Variants in XKR4 observed in about 807,000 individuals in gnomAD.
XKR4 encodes the protein XK related 4, also known as XK-related protein 4.
In XKR4, 12 loss-of-function variants were observed where a neutral mutation model predicts 53.9. The observed-to-expected ratio is 0.22, with a 90% CI of 0.14 to 0.36. XKR4 has a LOEUF of 0.36. XKR4 is among the 10% of genes least tolerant of loss of function. The pLI is 1.00. For synonymous variants in XKR4, 354 were observed against 362.4 expected, an observed-to-expected ratio of 0.98 and a Z score of 0.26; for missense variants, 799 against 859.5, an observed-to-expected ratio of 0.93 and a Z score of 0.88.
chr8:55,381,187 T>C (rs1423533064), intron 2 of XKR4, among the ~76,000 whole-genome samples: 1 of 152,224 alleles, frequency 6.6e-6, no homozygotes, highest in African/African-American at 2.4e-5. Context: ...AAATTAAAAT[T>C]AAATATGATG....
chr8:55,396,752 C>T (rs945709822), intron 2 of XKR4, among the ~76,000 whole-genome samples: 1 of 152,112 alleles, frequency 6.6e-6, no homozygotes, highest in African/African-American at 2.4e-5. Context: ...GGCATTCCAG[C>T]CTTGTTTGTT....
chr8:55,332,521 A>C (rs538401956), intron 1 of XKR4, among the ~76,000 whole-genome samples: 1 of 152,004 alleles, frequency 6.6e-6, no homozygotes, highest in Non-Finnish European at 1.5e-5. Context: ...TTGTTTACCT[A>C]GTAGTGTCTT....
chr8:55,520,180 T>A (rs915367082), intron 2 of XKR4, among the ~76,000 whole-genome samples: 3 of 152,230 alleles, frequency 2.0e-5, no homozygotes, highest in African/African-American at 7.2e-5. Context: ...CTGTGGCAGT[T>A]GTGAATTTGT....
chr8:55,343,029 T>C (rs945754251), intron 1 of XKR4, among the ~76,000 whole-genome samples: 1 of 152,210 alleles, frequency 6.6e-6, no homozygotes, highest in Non-Finnish European at 1.5e-5. Context: ...CACTGAACTT[T>C]TGTCTGTAGG....
chr8:55,375,216 A>C (rs1207577237), intron 2 of XKR4, among the ~76,000 whole-genome samples: 2 of 152,246 alleles, frequency 1.3e-5, no homozygotes, highest in Non-Finnish European at 2.9e-5. Flanking sequence ...TCTAAATTGC[A>C]GTGTTGTGTT....
At chr8:55,172,075 G>A (rs948960305) in intron 1 of XKR4, among the ~76,000 whole-genome samples, 8 of 152,034 alleles carry the variant, frequency 5.3e-5, no homozygotes, top group Non-Finnish European at 7.4e-5. Flanking sequence ...TTAGCTGGGC[G>A]TGGTGCCGCA....
intron 2 of XKR4, among the ~76,000 whole-genome samples, chr8:55,436,655 G>A (rs1484372802): frequency 1.3e-5 from 2 of 152,202 alleles, no homozygotes; most frequent in African/African-American, 4.8e-5. Flanking sequence ...TGAAGTAAAT[G>A]TCATCAGAAA....
intron 1 of XKR4, among the ~76,000 whole-genome samples, chr8:55,239,755 C>T (rs1818182039): frequency 6.6e-6 from 1 of 152,164 alleles, no homozygotes; most frequent in South Asian, 2.1e-4. Flanking sequence ...CATCTCTTGA[C>T]ATCCCTTCTT....
At chr8:55,266,822 T>C (rs1435725687) in intron 1 of XKR4, among the ~76,000 whole-genome samples, 1 of 152,136 alleles carries the variant, frequency 6.6e-6, no homozygotes, top group African/African-American at 2.4e-5. Context: ...TGAGTTTGTC[T>C]AATAGAAAGC....
rs146592454 is a variant in XKR4, at chr8:55,402,991, A to C, written c.1006+45114A>C. On this transcript the variant is annotated intron_variant, in intron 2 of 2. Coordinates refer to ENST00000327381, the MANE Select transcript of XKR4 (RefSeq NM_052898.2). ...ATCAGAATCAGAAAGGGCCAGGAGC[A>C]GGCTGGGGTTTGGTTCCCATCCTAC... 6.6e-3 allele frequency among the ~76,000 whole-genome samples: 1,000 copies of C among 152,288 alleles called. 9 individuals are homozygous for C. The highest frequency in any genetic ancestry group is 0.023 in the African/African-American group (938 of 41,546).
At chr8:55,123,402 G>C (rs963761435) in intron 1 of XKR4, among the ~76,000 whole-genome samples, 5 of 152,152 alleles carry the variant, frequency 3.3e-5, no homozygotes, top group Non-Finnish European at 5.9e-5. Context: ...GCATGCCCCT[G>C]GCCTCCTTGT....
intron 2 of XKR4, among the ~76,000 whole-genome samples, chr8:55,409,222 C>A (rs924262494): frequency 2.0e-5 from 3 of 152,168 alleles, no homozygotes; most frequent in Non-Finnish European, 4.4e-5. Context: ...ACAGGCCTGG[C>A]AGGCAGCAAG....
At chr8:55,481,811 G>T (rs1378544366) in intron 2 of XKR4, among the ~76,000 whole-genome samples, 1 of 152,172 alleles carries the variant, frequency 6.6e-6, no homozygotes, top group African/African-American at 2.4e-5. Flanking sequence ...ATCATCACTG[G>T]CCATCAGAGA....
At chr8:55,273,931 T>A (rs906678050) in intron 1 of XKR4, among the ~76,000 whole-genome samples, 1 of 152,318 alleles carries the variant, frequency 6.6e-6, no homozygotes, top group Middle Eastern at 3.4e-3. Context: ...TACACTACCA[T>A]CTAGTGGGGC....
intron 1 of XKR4, among the ~76,000 whole-genome samples, chr8:55,300,552 G>A (rs995436594): frequency 1.3e-5 from 2 of 152,132 alleles, no homozygotes; most frequent in Non-Finnish European, 2.9e-5. Flanking sequence ...GCATCTGGAT[G>A]GAGATGGGTC....
intron 2 of XKR4, among the ~76,000 whole-genome samples, chr8:55,443,809 C>G (rs1272043920): frequency 8.4e-5 from 11 of 130,864 alleles, no homozygotes; most frequent in African/African-American, 3.1e-4. Context: ...CCACTGCACT[C>G]TAGCCTGGTG....
At chr8:55,164,144 G>A (rs1483040885) in intron 1 of XKR4, 1 of 455,332 alleles carries the variant, frequency 2.2e-6, no homozygotes, top group African/African-American at 2.0e-5. Context: ...AGCCCTACAG[G>A]AGTTTGCTCC....
At position 55,525,200 on chromosome 8, in the gene XKR4, A is replaced by C. The variant is rs1048509144; in HGVS notation, c.*973A>C. 2 of 152,600 alleles carry C rather than the reference A, an allele frequency of 1.3e-5. No individual in the cohort carries two copies. Among genetic ancestry groups the C allele is most frequent in the East Asian group, 3.9e-4 (2 of 5,186 alleles). 9.5% of individuals were successfully genotyped at this position (152,600 alleles called of 1,614,324 possible). A position where few individuals can be genotyped will look rare whatever the true frequency, so the allele number is the denominator to read the frequency against. ...GACGCAGAATGAGTGGCTCTGTGTG[A>C]CCATAGGCAGATGCTGACTCTGGAA... On this transcript the variant is annotated 3_prime_UTR_variant, in exon 3 of 3. Coordinates refer to ENST00000327381, the MANE Select transcript of XKR4 (RefSeq NM_052898.2).
At position 55,531,810 on chromosome 8, in the gene XKR4, A is replaced by T. The variant is rs1203644468; in HGVS notation, c.*7583A>T. 2.6e-5 allele frequency: 4 copies of T among 152,250 alleles called. No individual in the cohort carries two copies. Among genetic ancestry groups the T allele is most frequent in the African/African-American group, 9.6e-5 (4 of 41,466 alleles). 9.4% of individuals were successfully genotyped at this position (152,250 alleles called of 1,614,324 possible). ...TTCACTAACTGTATTTCTCCAGCATACTGGTTATTTAGGAATAACAAATTT... is the reference window on the plus strand; with the variant it reads ...TTCACTAACTGTATTTCTCCAGCATTCTGGTTATTTAGGAATAACAAATTT... On this transcript the variant is annotated 3_prime_UTR_variant, in exon 3 of 3. Coordinates refer to ENST00000327381, the MANE Select transcript of XKR4 (RefSeq NM_052898.2).
Sources: allele counts gnomAD v4.1 joint callset (sites outside exome capture counted in the v4.1 genomes callset), GRCh38; gene constraint gnomAD v4.1.1; transcripts MANE v1.5; gene names NCBI Gene and HGNC (gene_info 2026-07-23, HGNC 2026-07-21).